The following TOGARAM2 variants were observed in gnomAD, a reference collection of about 807,000 sequenced individuals.
The protein encoded by TOGARAM2 is TOG array regulator of axonemal microtubules 2, also known as TOG array regulator of axonemal microtubules protein 2.
A neutral mutation model predicts 93.3 loss-of-function variants in TOGARAM2; 85 were observed. That is an observed-to-expected ratio of 0.91 (90% CI 0.76 to 1.09). The LOEUF (loss-of-function observed/expected upper bound fraction) is 1.09. Ranked by LOEUF, TOGARAM2 falls within the 50% of genes least tolerant of loss-of-function variation. The pLI is 0.00. For missense variants in TOGARAM2, 1,277 were observed against 1,334.5 expected (o/e 0.96, Z 0.67); for synonymous variants, 593 against 552.8 (o/e 1.07, Z -1.02).
Position 29,003,702 on chromosome 2 carries a change from C to G in TOGARAM2, c.830+20C>G. On this transcript the variant is annotated intron_variant, in intron 6 of 19. Transcript: ENST00000379558. ...CACGCGGTAAGAGCTCCAAGTCAAA[C>G]CTTCCTTGCTGACTTCTCTCCCTCT... 3 of 1,481,598 alleles carry G rather than the reference C, an allele frequency of 2.0e-6. 1 individual carries two copies. Among genetic ancestry groups the G allele is most frequent in the Non-Finnish European group, 9.0e-7 (1 of 1,113,112 alleles). The allele number at this position is 1,481,598 out of a possible 1,614,324, so 91.8% of individuals were successfully genotyped here.
chr2:29,042,149 AT>A (rs1666473058), intron 18 of TOGARAM2, among the ~76,000 whole-genome samples: 1 of 152,246 alleles, frequency 6.6e-6, no homozygotes, highest in Non-Finnish European at 1.5e-5. Context: ...AGTGTGTCTT[AT>A]TGAACCTGGA....
chr2:29,002,169 C>A (rs1325068026), intron 4 of TOGARAM2, among the ~76,000 whole-genome samples: 2 of 152,160 alleles, frequency 1.3e-5, no homozygotes, highest in South Asian at 4.1e-4. Flanking sequence ...ATTGAATCAC[C>A]CCATTTCACA....
intron 1 of TOGARAM2, among the ~76,000 whole-genome samples, chr2:28,968,733 C>T (rs1207748898): frequency 6.9e-6 from 1 of 145,712 alleles, no homozygotes; most frequent in African/African-American, 2.6e-5. Flanking sequence ...GTAGGAGGAT[C>T]ACTGAGCCCA....
chr2:29,008,840 T>C (rs1422831331), intron 6 of TOGARAM2, among the ~76,000 whole-genome samples: 1 of 152,222 alleles, frequency 6.6e-6, no homozygotes, highest in Non-Finnish European at 1.5e-5. Flanking sequence ...CTCTGTGGCT[T>C]CTGTGGGGCC....
In TOGARAM2 at chr2:29,017,191, T is replaced by C. The variant is rs779729483; in HGVS notation, c.1082T>C (p.Met361Thr). Residue 361 changes from methionine (M) to threonine (T), a missense_variant, in exon 9 of 20, where the codon ATG (methionine) becomes ACG (threonine). Coordinates refer to ENST00000379558, the MANE Select transcript of TOGARAM2 (RefSeq NM_199280.4). Reference protein sequence around the residue: ...VTISKSAREKMQLKQMKEMEL... With the variant: ...VTISKSAREKTQLKQMKEMEL... ...ATCTCCAAGTCTGCCCGGGAGAAGA[T>C]GCAGCTGAAGCAGATGAAGGAGATG... 1.2e-6 allele frequency: 2 copies of C among 1,613,904 alleles called. No individual in the cohort carries two copies. Among genetic ancestry groups the C allele is most frequent in the Non-Finnish European group, 1.7e-6 (2 of 1,179,844 alleles).
chr2:28,984,507 T>C (rs1393554606), intron 1 of TOGARAM2, among the ~76,000 whole-genome samples: 1 of 152,200 alleles, frequency 6.6e-6, no homozygotes, highest in Non-Finnish European at 1.5e-5. Context: ...TTGGACAAGA[T>C]GCTTTCTTGC....
At chr2:29,026,334 G>A (rs1665360156) in intron 13 of TOGARAM2, among the ~76,000 whole-genome samples, 1 of 152,170 alleles carries the variant, frequency 6.6e-6, no homozygotes, top group Admixed American at 6.5e-5. Flanking sequence ...TTACTTCCTA[G>A]TCAAGGGAGA....
intron 1 of TOGARAM2, among the ~76,000 whole-genome samples, chr2:28,967,446 G>A (rs932302337): frequency 1.3e-5 from 2 of 152,126 alleles, no homozygotes; most frequent in African/African-American, 4.8e-5. Context: ...CTGCACTCCT[G>A]CCTGGGTGAC....
chr2:28,967,485 A>G (rs909592980), intron 1 of TOGARAM2, among the ~76,000 whole-genome samples: 6 of 152,170 alleles, frequency 3.9e-5, no homozygotes, highest in African/African-American at 1.4e-4. Context: ...AAAAAACAAA[A>G]CAACAAGAAC....
intron 10 of TOGARAM2, among the ~76,000 whole-genome samples, chr2:29,019,234 G>A (rs986144636): frequency 6.8e-6 from 1 of 146,114 alleles, no homozygotes; most frequent in African/African-American, 2.6e-5. Flanking sequence ...AGGCTGGAGT[G>A]CAGTGGTGCG....
chr2:29,011,718 C>G (rs958189799), intron 7 of TOGARAM2, among the ~76,000 whole-genome samples: 10 of 152,196 alleles, frequency 6.6e-5, no homozygotes, highest in East Asian at 1.9e-4. Flanking sequence ...TTGACACCTG[C>G]TCTGGTACGT....
At chr2:28,978,221 G>A (rs532933657), upstream of TOGARAM2, among the ~76,000 whole-genome samples, 13 of 152,158 alleles carry the variant, frequency 8.5e-5, 1 homozygote, top group South Asian at 2.1e-3. Flanking sequence ...ATGGGTATAA[G>A]TAAGGGGTAG....
rs1673171964 is a variant in TOGARAM2 at position 28,999,487 on chromosome 2, C to A, written c.427+19C>A. 6 of 1,564,642 alleles carry A rather than the reference C, an allele frequency of 3.8e-6. No homozygotes were observed. In the South Asian group the frequency reaches 7.3e-5, roughly 19 times the overall value. On this transcript the variant is annotated intron_variant, in intron 4 of 19. Transcript: ENST00000379558. The stretch of plus-strand genomic sequence containing the variant: ...TCCCGAGGTGAGCACTGGCCCCTGC[C>A]CACCCCTCACCCACCCACTTCCAGG...
At chr2:29,018,543 A>G (rs1572718611) in intron 10 of TOGARAM2, 1 of 152,124 alleles carries the variant, frequency 6.6e-6, no homozygotes, top group South Asian at 2.1e-4. Flanking sequence ...TACTGAAAAA[A>G]ACTTAAAAAC....
intron 1 of TOGARAM2, among the ~76,000 whole-genome samples, chr2:28,974,588 C>T (rs994588109): frequency 4.0e-5 from 6 of 151,858 alleles, no homozygotes; most frequent in African/African-American, 7.3e-5. Flanking sequence ...TGTAGTCCCA[C>T]GGTCCCTGGG....
intron 1 of TOGARAM2, among the ~76,000 whole-genome samples, chr2:28,991,500 C>T (rs943667082): frequency 6.6e-6 from 1 of 152,222 alleles, no homozygotes; most frequent in Non-Finnish European, 1.5e-5. Context: ...CTACTGTTCC[C>T]ACCAGCTTTG....
chr2:28,965,579 C>G (rs567600761), intron 1 of TOGARAM2, among the ~76,000 whole-genome samples: 4 of 152,250 alleles, frequency 2.6e-5, no homozygotes, highest in Admixed American at 2.0e-4. Flanking sequence ...CCCTGGGAAC[C>G]CTTTAGCTCA....
At chr2:29,038,459 T>C (rs998391755) in intron 18 of TOGARAM2, among the ~76,000 whole-genome samples, 1 of 152,074 alleles carries the variant, frequency 6.6e-6, no homozygotes, top group East Asian at 1.9e-4. Context: ...AAGGGTAAAA[T>C]ATACTGGTTT....
At chr2:28,980,891 A>G (rs915588259), upstream of TOGARAM2, among the ~76,000 whole-genome samples, 2 of 152,198 alleles carry the variant, frequency 1.3e-5, no homozygotes, top group Non-Finnish European at 2.9e-5. Flanking sequence ...AGAAAGGTAA[A>G]GTTCTGACCA....
Sources: allele counts gnomAD v4.1 joint callset (sites outside exome capture counted in the v4.1 genomes callset), GRCh38; gene constraint gnomAD v4.1.1; transcripts MANE v1.5; gene names NCBI Gene and HGNC (gene_info 2026-07-23, HGNC 2026-07-21).